PRIMPOL: variants seen among roughly 807,000 people sequenced by gnomAD.
The protein encoded by PRIMPOL is primase and DNA directed polymerase, also known as DNA-directed primase/polymerase protein.
PRIMPOL carries 54 observed loss-of-function variants against 63.6 expected under a neutral mutation model. That is an observed-to-expected ratio of 0.85 (90% CI 0.68 to 1.07). PRIMPOL has a LOEUF of 1.07. PRIMPOL is among the 50% of genes least tolerant of loss of function. The probability of loss-of-function intolerance (pLI) is 0.00; values close to 1 mark genes in which losing one functional copy is unlikely to be tolerated. For missense variants in PRIMPOL, 610 were observed against 648.3 expected, an observed-to-expected ratio of 0.94 and a Z score of 0.64; for synonymous variants, 197 against 220.2, an observed-to-expected ratio of 0.89 and a Z score of 0.93.
rs191883986 is a variant in PRIMPOL, at chr4:184,656,269, G to A, written c.-59-813G>A. ...TCAATGTGATGTTGGCCCAAAACAA[G>A]TCATATGGCCAAGCTGAGAGTCAGT... On this transcript the variant is annotated intron_variant, in intron 2 of 13. Coordinates refer to ENST00000314970, the MANE Select transcript of PRIMPOL (RefSeq NM_152683.4). 1.1e-3 allele frequency among the ~76,000 whole-genome samples: 161 copies of A among 152,196 alleles called. 1 individual carries two copies. Among genetic ancestry groups the A allele is most frequent in the Non-Finnish European group, 1.4e-3 (97 of 68,022 alleles).
At position 184,661,814 on chromosome 4, in the gene PRIMPOL, G is replaced by A. The variant is rs761373107; in HGVS notation, c.319G>A (p.Ala107Thr). Residue 107 changes from alanine to threonine, a missense_variant, in exon 5 of 14, where the codon GCT becomes ACT. Physicochemically the swap from Ala to Thr is moderately conservative, Grantham distance 58. Around this residue, in one of 3 missense-constraint regions of PRIMPOL, gnomAD observed 159 missense variants for 168.9 expected, o/e 0.94. Coordinates refer to ENST00000314970, the MANE Select transcript of PRIMPOL (RefSeq NM_152683.4). ...LHCYEVIPEN[A>T]VCKLYFDLEF... ...CTGCTATGAAGTTATTCCTGAAAATGCTGTGTGCAAGCTTTATTTTGATTT... is the reference window on the plus strand; with the variant it reads ...CTGCTATGAAGTTATTCCTGAAAATACTGTGTGCAAGCTTTATTTTGATTT... The A allele has an allele frequency of 1.9e-6, 3 of 1,613,222 alleles. No individual in the cohort carries two copies. The highest frequency in any genetic ancestry group is 2.5e-6 in the Non-Finnish European group (3 of 1,179,440).
intron 4 of PRIMPOL, among the ~76,000 whole-genome samples, chr4:184,660,442 A>G (rs1359419512): frequency 3.9e-5 from 6 of 152,120 alleles, no homozygotes; most frequent in Non-Finnish European, 8.8e-5. Flanking sequence ...CGGCCTCCCA[A>G]AGTGCTGGGA....
chr4:184,673,362 G>A (rs1045417620), intron 7 of PRIMPOL, among the ~76,000 whole-genome samples: 1 of 151,096 alleles, frequency 6.6e-6, no homozygotes, highest in African/African-American at 2.4e-5. Flanking sequence ...ATCTCCTGAC[G>A]TTGTCATCCG....
intron 2 of PRIMPOL, among the ~76,000 whole-genome samples, chr4:184,655,258 C>T (rs909109456): frequency 6.0e-5 from 9 of 149,372 alleles, no homozygotes; most frequent in South Asian, 2.1e-4. Context: ...AATCCGCCCT[C>T]CTCTGCCTCC....
intron 13 of PRIMPOL, chr4:184,694,089 G>T: frequency 3.6e-6 from 1 of 274,250 alleles, no homozygotes; most frequent in Non-Finnish European, 5.6e-6. Flanking sequence ...GTCATATTTT[G>T]GCAACTGTTT....
chr4:184,687,918 AAAC>A (rs1383643322), intron 11 of PRIMPOL, among the ~76,000 whole-genome samples: 4 of 152,198 alleles, frequency 2.6e-5, no homozygotes, highest in African/African-American at 9.6e-5. Flanking sequence ...GCCCGGCCAT[AAAC>A]AATATAGTGT....
chr4:184,660,183 T>C (rs1483404255), intron 4 of PRIMPOL, among the ~76,000 whole-genome samples: 2 of 151,966 alleles, frequency 1.3e-5, no homozygotes, highest in Admixed American at 6.6e-5. Flanking sequence ...CTTTCTTTTT[T>C]TTAATTTAAA....
At chr4:184,668,584 C>T (rs1579406896) in intron 6 of PRIMPOL, among the ~76,000 whole-genome samples, 1 of 152,052 alleles carries the variant, frequency 6.6e-6, no homozygotes, top group East Asian at 1.9e-4. Flanking sequence ...CTGTCTAAAC[C>T]GTTGTGCCTC....
At chr4:184,678,632 A>G (rs1013428350) in intron 8 of PRIMPOL, among the ~76,000 whole-genome samples, 1 of 146,500 alleles carries the variant, frequency 6.8e-6, no homozygotes, top group African/African-American at 2.6e-5. Flanking sequence ...GGTTCATGCC[A>G]TTCTCCTGCC....
rs377667172 is a variant in PRIMPOL at position 184,691,584 on chromosome 4, A to G, written c.1378+3A>G. On this transcript the variant is annotated splice_donor_region_variant and intron_variant, in intron 12 of 13. Transcript: ENST00000314970. Reference sequence around the variant, plus strand: ...AGCAGAAAACTTCAAATCTGACTGTAAGTTACTAATTTTTACATTTACCAC... The same window carrying G: ...AGCAGAAAACTTCAAATCTGACTGTGAGTTACTAATTTTTACATTTACCAC... 9.3e-6 allele frequency: 15 copies of G among 1,605,062 alleles called. No homozygotes were observed. The highest frequency in any genetic ancestry group is 1.3e-5 in the African/African-American group (1 of 74,678).
At chr4:184,681,300 A>G (rs1284230906) in intron 8 of PRIMPOL, among the ~76,000 whole-genome samples, 3 of 152,106 alleles carry the variant, frequency 2.0e-5, no homozygotes, top group Admixed American at 1.3e-4. Flanking sequence ...AAAAATTCAA[A>G]GGCTCTTTGT....
At chr4:184,654,732 G>A (rs1183324392) in intron 2 of PRIMPOL, among the ~76,000 whole-genome samples, 3 of 152,008 alleles carry the variant, frequency 2.0e-5, no homozygotes, top group Admixed American at 6.5e-5. Context: ...GATTACAAGC[G>A]TGAGCCACCG....
intron 6 of PRIMPOL, among the ~76,000 whole-genome samples, chr4:184,668,627 C>T (rs1007054462): frequency 9.2e-5 from 14 of 152,148 alleles, no homozygotes; most frequent in African/African-American, 2.7e-4. Context: ...ATTCTGTAGA[C>T]GTCAAGCTAT....
At chr4:184,661,579 G>A (rs979045377) in intron 4 of PRIMPOL, among the ~76,000 whole-genome samples, 195 bp from the exon 5 acceptor site, 3 of 152,016 alleles carry the variant, frequency 2.0e-5, no homozygotes, top group Non-Finnish European at 4.4e-5. Context: ...GGTGGCGTGT[G>A]CCTGTAGTCC....
intron 5 of PRIMPOL, among the ~76,000 whole-genome samples, chr4:184,664,880 G>T (rs1473456099): frequency 6.6e-6 from 1 of 152,172 alleles, no homozygotes; most frequent in African/African-American, 2.4e-5. Context: ...AGAGTATGTA[G>T]GGGGAATTTG....
chr4:184,677,217 C>G (rs1367359259), intron 7 of PRIMPOL, among the ~76,000 whole-genome samples: 1 of 151,762 alleles, frequency 6.6e-6, no homozygotes, highest in Non-Finnish European at 1.5e-5. Flanking sequence ...CTGTTGTGGC[C>G]TCCCATAATG....
At chr4:184,656,111 C>G (rs1416094753) in intron 2 of PRIMPOL, among the ~76,000 whole-genome samples, 2 of 152,170 alleles carry the variant, frequency 1.3e-5, no homozygotes, top group Non-Finnish European at 2.9e-5. Context: ...GCTGCAATTC[C>G]TTGGTTCTTT....
intron 13 of PRIMPOL, among the ~76,000 whole-genome samples, chr4:184,692,884 A>G (rs1759224430): frequency 6.6e-6 from 1 of 152,186 alleles, no homozygotes; most frequent in Non-Finnish European, 1.5e-5. Context: ...TTTCGGATTC[A>G]CTATTAGTAT....
chr4:184,669,983 A>T (rs1043568601), intron 6 of PRIMPOL, among the ~76,000 whole-genome samples: 3 of 152,220 alleles, frequency 2.0e-5, no homozygotes, highest in Non-Finnish European at 2.9e-5. Context: ...GAGATCATAG[A>T]TCTTGATCTG....
Sources: gnomAD v4.1 joint callset for allele counts (sites outside exome capture counted in the v4.1 genomes callset) on GRCh38, gnomAD v4.1.1 for gene constraint, gnomAD v4.1.1 regional missense constraint, MANE v1.5 for transcripts, NCBI Gene and HGNC (gene_info 2026-07-23, HGNC 2026-07-21) for gene names.